Variants in ARHGAP25 observed in about 807,000 individuals in gnomAD.
The protein encoded by ARHGAP25 is rho GTPase-activating protein 25.
In ARHGAP25, 34 loss-of-function variants were observed where a neutral mutation model predicts 71.0. The observed-to-expected ratio is 0.48, with a 90% CI of 0.36 to 0.64. The LOEUF (loss-of-function observed/expected upper bound fraction) is 0.64. ARHGAP25 is among the 30% of genes least tolerant of loss of function. ARHGAP25 has a pLI of 0.00. For synonymous variants in ARHGAP25, 282 were observed against 296.5 expected (o/e 0.95, Z 0.50); for missense variants, 706 against 805.1 (o/e 0.88, Z 1.49).
chr2:68,749,879 A>C (rs1475705157), intron 1 of ARHGAP25, among the ~76,000 whole-genome samples: 1 of 152,272 alleles, frequency 6.6e-6, no homozygotes, highest in Non-Finnish European at 1.5e-5. Flanking sequence ...ACACATTCCC[A>C]AAATGTTTGC....
At chr2:68,804,275 C>T (rs1158788052) in intron 4 of ARHGAP25, among the ~76,000 whole-genome samples, 5 of 152,178 alleles carry the variant, frequency 3.3e-5, no homozygotes, top group African/African-American at 1.2e-4. Flanking sequence ...CACATCCTTA[C>T]ATTGTGTTTG....
At chr2:68,765,861 A>G (rs982766091) in intron 1 of ARHGAP25, among the ~76,000 whole-genome samples, 7 of 152,302 alleles carry the variant, frequency 4.6e-5, no homozygotes, top group African/African-American at 1.2e-4. Flanking sequence ...AAAGTTTAAA[A>G]TCACTGTTCC....
In ARHGAP25 at chr2:68,767,391, T is replaced by G. The variant is rs1677192760; in HGVS notation, c.62-7830T>G. On this transcript the variant is annotated intron_variant, in intron 1 of 10. Coordinates refer to ENST00000409202, the MANE Select transcript of ARHGAP25 (RefSeq NM_001007231.3). The surrounding 1 kb of genome is among the most constrained non-coding windows in gnomAD (Gnocchi z 4.6). ...ATCATCCCGCAGTCTGATAACAGGA[T>G]AGGTGGGGGGTCTGCATGTATGTAT... Among the ~76,000 whole-genome samples, 2 of 151,162 alleles carry G rather than the reference T, an allele frequency of 1.3e-5. No homozygotes were observed. Among genetic ancestry groups the G allele is most frequent in the Non-Finnish European group, 3.0e-5 (2 of 67,796 alleles).
At chr2:68,760,666 G>A (rs961097394) in intron 1 of ARHGAP25, among the ~76,000 whole-genome samples, 1 of 151,844 alleles carries the variant, frequency 6.6e-6, no homozygotes, top group Non-Finnish European at 1.5e-5. Flanking sequence ...CTACAAAACT[G>A]CAAAACATTT....
chr2:68,815,443 C>CTCTT (rs1681135076), intron 6 of ARHGAP25, among the ~76,000 whole-genome samples: 1 of 62,290 alleles, frequency 1.6e-5, no homozygotes, highest in Non-Finnish European at 2.9e-5. Context: ...TGTGTACTCT[C>CTCTT]TTTTTTTTTT....
At chr2:68,825,634 G>C (rs1450320262) in intron 10 of ARHGAP25, among the ~76,000 whole-genome samples, 2 of 152,140 alleles carry the variant, frequency 1.3e-5, no homozygotes, top group African/African-American at 2.4e-5. Context: ...AATTAGCTGG[G>C]TATGGTGGCG....
intron 4 of ARHGAP25, among the ~76,000 whole-genome samples, chr2:68,790,628 A>G (rs1302451302): frequency 1.3e-5 from 2 of 152,062 alleles, no homozygotes; most frequent in Admixed American, 6.5e-5. Flanking sequence ...TCTTTTTCCA[A>G]CCAGAGCCTG....
In ARHGAP25 at chr2:68,819,316, C is replaced by A; in HGVS notation, c.1197C>A (p.Ser399Arg). 2 of 1,614,092 alleles carry A rather than the reference C, an allele frequency of 1.2e-6. No homozygotes were observed. The highest frequency in any genetic ancestry group is 1.7e-6 in the Non-Finnish European group (2 of 1,179,946). ...LRISRTDSFSSMTSDSDTTSP... is the reference protein window; with the variant it reads ...LRISRTDSFSRMTSDSDTTSP... ...TTTCTAGGACAGACAGCTTCAGTAG[C>A]ATGGTAAGGTGCAGAGAACCTTCCT... is the stretch of plus-strand genomic sequence containing the variant. Residue 399 changes from serine (S) to arginine (R), a missense_variant, in exon 9 of 11, where the codon AGC becomes AGA. Coordinates refer to ENST00000409202, the MANE Select transcript of ARHGAP25 (RefSeq NM_001007231.3).
intron 1 of ARHGAP25, among the ~76,000 whole-genome samples, chr2:68,750,611 G>A (rs1284417099): frequency 6.6e-6 from 1 of 152,148 alleles, no homozygotes; most frequent in African/African-American, 2.4e-5. Flanking sequence ...ACGAGCCACC[G>A]CACCGGGCCG....
chr2:68,754,414 G>A (rs1192397770), intron 1 of ARHGAP25, among the ~76,000 whole-genome samples: 1 of 152,154 alleles, frequency 6.6e-6, no homozygotes, highest in Non-Finnish European at 1.5e-5. Flanking sequence ...CCCATGTTAT[G>A]ACTTGTATAG....
upstream of ARHGAP25, among the ~76,000 whole-genome samples, chr2:68,731,800 C>G (rs540178367): frequency 6.6e-6 from 1 of 151,638 alleles, no homozygotes; most frequent in East Asian, 1.9e-4. Context: ...TCCAGTTAGG[C>G]CCCTCGCATA....
Position 68,715,240 on chromosome 2 carries a change from C to A in ARHGAP25, c.-18+4542C>A, listed in dbSNP as rs945471688. The stretch of plus-strand genomic sequence containing the variant: ...ACTGCCTGAAAAGTTGGTAGAAATG[C>A]AAATTCTTGGGCCCTACCCCAGACT... On this transcript the variant is annotated intron_variant and NMD_transcript_variant, in intron 2 of 7. Coordinates refer to the ARHGAP25 transcript ENST00000463483. Among the ~76,000 whole-genome samples the A allele has an allele frequency of 3.9e-5, 6 of 152,188 alleles. No individual in the cohort carries two copies. The East Asian group carries it at 9.6e-4, about 24-fold the overall frequency.
chr2:68,792,387 T>C (rs1046594893), intron 4 of ARHGAP25, among the ~76,000 whole-genome samples: 3 of 152,218 alleles, frequency 2.0e-5, no homozygotes, highest in South Asian at 4.1e-4. Context: ...TATTAAGTGA[T>C]TTCTCATCAT....
intron 4 of ARHGAP25, among the ~76,000 whole-genome samples, chr2:68,789,201 CTT>C (rs1219203753): frequency 6.6e-6 from 1 of 151,854 alleles, no homozygotes; most frequent in Non-Finnish European, 1.5e-5. Context: ...CCTGGCTAAT[CTT>C]TTTTTGTATT....
At chr2:68,782,822 T>C (rs1389518723) in intron 3 of ARHGAP25, among the ~76,000 whole-genome samples, 1 of 152,238 alleles carries the variant, frequency 6.6e-6, no homozygotes, top group African/African-American at 2.4e-5. Flanking sequence ...GAGGTGCCTC[T>C]TTCAAATCAA....
At chr2:68,793,502 A>G (rs1372634445) in intron 4 of ARHGAP25, among the ~76,000 whole-genome samples, 1 of 152,030 alleles carries the variant, frequency 6.6e-6, no homozygotes, top group Non-Finnish European at 1.5e-5. Context: ...TGGCAATCAG[A>G]TTTTCCCAGA....
chr2:68,757,658 T>C (rs976892954), intron 1 of ARHGAP25: 14 of 152,078 alleles, frequency 9.2e-5, no homozygotes, highest in African/African-American at 3.4e-4. Flanking sequence ...AGGGAGTCCT[T>C]CCTGCAGGTT....
intron 4 of ARHGAP25, among the ~76,000 whole-genome samples, chr2:68,798,682 G>A (rs1232247731): frequency 6.6e-6 from 1 of 152,194 alleles, no homozygotes; most frequent in East Asian, 1.9e-4. Context: ...TTGTCAAGTA[G>A]GTCAAGGAAG....
chr2:68,747,235 T>C (rs1296185269), intron 1 of ARHGAP25, among the ~76,000 whole-genome samples: 1 of 151,960 alleles, frequency 6.6e-6, no homozygotes, highest in Non-Finnish European at 1.5e-5. Flanking sequence ...TTCCCTTACC[T>C]CATTAGTTAC....
Sources: gnomAD v4.1 joint callset for allele counts (sites outside exome capture counted in the v4.1 genomes callset) on GRCh38, gnomAD v4.1.1 for gene constraint, Gnocchi (gnomAD v3.1) non-coding constraint, MANE v1.5 for transcripts, NCBI Gene and HGNC (gene_info 2026-07-23, HGNC 2026-07-21) for gene names.